Variants in NDFIP1 observed in about 807,000 individuals in gnomAD.
NDFIP1 encodes Nedd4 family interacting protein 1.
Under a neutral mutation model 28.8 loss-of-function variants are expected in NDFIP1, and 7 were observed. That is an observed-to-expected ratio of 0.24 (90% confidence interval 0.14 to 0.46). The LOEUF (loss-of-function observed/expected upper bound fraction) is 0.46, where lower values mean the gene tolerates loss of function less well. NDFIP1 is among the 20% of genes least tolerant of loss of function. NDFIP1 has a pLI of 0.99. For missense variants in NDFIP1, 194 were observed against 269.1 expected, an observed-to-expected ratio of 0.72 and a Z score of 1.95; for synonymous variants, 92 against 101.0, an observed-to-expected ratio of 0.91 and a Z score of 0.53.
chr5:142,112,340 G>T (rs1397694460), intron 1 of NDFIP1, among the ~76,000 whole-genome samples: 1 of 151,764 alleles, frequency 6.6e-6, no homozygotes, highest in Non-Finnish European at 1.5e-5. Context: ...AACTGAGATC[G>T]TGCCACTGCA....
chr5:142,132,125 C>A, intron 2 of NDFIP1, 87 bp from the exon 3 acceptor site: 1 of 1,478,746 alleles, frequency 6.8e-7, no homozygotes, highest in South Asian at 1.3e-5. Context: ...AAGGGAATGG[C>A]TGGGTTTTGT....
At chr5:142,135,138 C>G (rs1482198614) in intron 3 of NDFIP1, among the ~76,000 whole-genome samples, 1 of 138,598 alleles carries the variant, frequency 7.2e-6, no homozygotes, top group Non-Finnish European at 1.5e-5. Context: ...GCCACCACTC[C>G]CGGCTAATTT....
rs1242974296 is a variant in NDFIP1 at position 142,154,045 on chromosome 5, TATC to T, written c.*2321_*2323del. On this transcript the variant is annotated 3_prime_UTR_variant, in exon 8 of 8. Transcript: ENST00000253814. Reference sequence around the variant, plus strand: ...TGAGGCACATGAAGTGGGCACCATATATCATCTAGAGTCCTTACTGGTATTCAG... The same window carrying T: ...TGAGGCACATGAAGTGGGCACCATATATCTAGAGTCCTTACTGGTATTCAG... 6.6e-6 allele frequency: 1 copy of T among 152,462 alleles called. No individual in the cohort carries two copies. Among genetic ancestry groups the T allele is most frequent in the Admixed American group, 6.5e-5 (1 of 15,294 alleles). 9.4% of individuals were successfully genotyped at this position (152,462 alleles called of 1,614,324 possible).
At chr5:142,125,721 T>A (rs1410390540) in intron 1 of NDFIP1, among the ~76,000 whole-genome samples, 8 of 152,192 alleles carry the variant, frequency 5.3e-5, no homozygotes, top group Non-Finnish European at 8.8e-5. Context: ...CCATTTTACA[T>A]TCCCACCAGC....
chr5:142,123,557 C>T (rs1009523023), intron 1 of NDFIP1, among the ~76,000 whole-genome samples: 7 of 152,068 alleles, frequency 4.6e-5, no homozygotes, highest in Admixed American at 2.0e-4. Context: ...CTTGTTTGTG[C>T]TTCCATGTTT....
At chr5:142,142,956 T>C (rs1757352137) in intron 6 of NDFIP1, 1 of 132,818 alleles carries the variant, frequency 7.5e-6, no homozygotes, top group Admixed American at 7.9e-5. Flanking sequence ...TATATATATA[T>C]ATATATATAT....
At chr5:142,119,004 C>G (rs1757096623) in intron 1 of NDFIP1, among the ~76,000 whole-genome samples, 1 of 152,160 alleles carries the variant, frequency 6.6e-6, no homozygotes, top group Non-Finnish European at 1.5e-5. Context: ...ATCTGTGCTC[C>G]TTGCTACTAG....
At chr5:142,128,347 G>A (rs931202875) in intron 1 of NDFIP1, among the ~76,000 whole-genome samples, 7 of 152,188 alleles carry the variant, frequency 4.6e-5, no homozygotes, top group African/African-American at 1.7e-4. Flanking sequence ...TGCACAGAAG[G>A]GTTCCCAGGG....
intron 3 of NDFIP1, among the ~76,000 whole-genome samples, chr5:142,135,443 G>A (rs61032542): frequency 0.024 from 3,647 of 152,194 alleles, 145 homozygotes; most frequent in African/African-American, 0.082. Flanking sequence ...TTCTTGAAGT[G>A]TATTGTTTTT....
chr5:142,117,329 C>T (rs112510611), intron 1 of NDFIP1, among the ~76,000 whole-genome samples: 4,236 of 151,508 alleles, frequency 0.028, 189 homozygotes, highest in African/African-American at 0.095. Context: ...CTGCAACCTC[C>T]GCCTCCTGGG....
chr5:142,117,476 C>T (rs372025245), intron 1 of NDFIP1, among the ~76,000 whole-genome samples: 1 of 151,430 alleles, frequency 6.6e-6, no homozygotes, highest in Non-Finnish European at 1.5e-5. Flanking sequence ...CTCTTGACCT[C>T]GTGATCCACC....
intron 1 of NDFIP1, among the ~76,000 whole-genome samples, chr5:142,111,496 G>A (rs920039661): frequency 2.0e-5 from 3 of 152,000 alleles, no homozygotes; most frequent in African/African-American, 4.8e-5. Flanking sequence ...CCTGGTCAGC[G>A]AATATGCATT....
chr5:142,118,430 T>C (rs1162305563), intron 1 of NDFIP1, among the ~76,000 whole-genome samples: 1 of 152,198 alleles, frequency 6.6e-6, no homozygotes, highest in African/African-American at 2.4e-5. Context: ...GTTTTTCTCA[T>C]GATTAGACTG....
intron 1 of NDFIP1, among the ~76,000 whole-genome samples, chr5:142,121,764 G>T (rs780897307): frequency 2.2e-4 from 33 of 152,196 alleles, no homozygotes; most frequent in Non-Finnish European, 3.4e-4. Flanking sequence ...TTTATTTGGA[G>T]ATTTGTAAAG....
At chr5:142,136,252 T>C (rs963836917) in intron 4 of NDFIP1, among the ~76,000 whole-genome samples, 4 of 152,230 alleles carry the variant, frequency 2.6e-5, no homozygotes, top group African/African-American at 7.2e-5. Flanking sequence ...TTTGTGTGCC[T>C]CACATAGAAG....
At position 142,144,605 on chromosome 5, in the gene NDFIP1, T is replaced by C. The variant is rs771246690; in HGVS notation, c.597T>C (p.Tyr199=). The stretch of plus-strand genomic sequence containing the variant: ...TGTTTCTCAGAGGATTTATCAATTA[T>C]GCAAAAGTTCGGAAGATGCCAGAAA... ...FLLFLRGFIN[Y]AKVRKMPETF... The change falls in exon 7 of 8, where the codon TAT becomes TAC. Residue 199 remains tyrosine (Y), a synonymous_variant. Coordinates refer to ENST00000253814, the MANE Select transcript of NDFIP1 (RefSeq NM_030571.4). The C allele has an allele frequency of 5.0e-6, 8 of 1,612,938 alleles. No individual in the cohort carries two copies. In the East Asian group the frequency reaches 1.8e-4, roughly 36 times the overall value.
chr5:142,140,485 T>G, intron 5 of NDFIP1, 78 bp from the exon 6 acceptor site: 1 of 1,156,864 alleles, frequency 8.6e-7, no homozygotes, highest in Non-Finnish European at 1.3e-6. Context: ...TTGCATTTTG[T>G]GATTTTGTGT....
intron 1 of NDFIP1, among the ~76,000 whole-genome samples, chr5:142,115,494 A>G (rs1452466447): frequency 6.6e-6 from 1 of 152,274 alleles, no homozygotes; most frequent in South Asian, 2.1e-4. Context: ...CATGTTGGCC[A>G]GGCTGGTCTT....
rs1757317636 is a variant in NDFIP1, at chr5:142,140,588, T to C, written c.521T>C (p.Phe174Ser). Residue 174 changes from phenylalanine (F) to serine (S), a missense_variant, in exon 6 of 8, where the codon TTT becomes TCT. Transcript: ENST00000253814. ...TTTTCCACCTATTTCCCTGGATATTTTGATGGTCAGTACTGGCTCTGGTGG... is the reference window on the plus strand; with the variant it reads ...TTTTCCACCTATTTCCCTGGATATTCTGATGGTCAGTACTGGCTCTGGTGG... ...VRFSTYFPGY[F>S]DGQYWLWWVF... is the part of the protein sequence containing the mutation. 3 of 1,613,168 alleles carry C rather than the reference T, an allele frequency of 1.9e-6. No homozygotes were observed. The highest frequency in any genetic ancestry group is 2.5e-6 in the Non-Finnish European group (3 of 1,179,704).
Sources: allele counts gnomAD v4.1 joint callset (sites outside exome capture counted in the v4.1 genomes callset), GRCh38; gene constraint gnomAD v4.1.1; transcripts MANE v1.5; gene names NCBI Gene and HGNC (gene_info 2026-07-23, HGNC 2026-07-21).